The following CPS1 variants were observed in gnomAD, a reference collection of about 807,000 sequenced individuals.
CPS1 encodes carbamoyl-phosphate synthase [ammonia], mitochondrial.
CPS1 carries 109 observed loss-of-function variants against 174.6 expected under a neutral mutation model. The observed-to-expected ratio is 0.62, with a 90% confidence interval of 0.53 to 0.73. CPS1 has a LOEUF of 0.73. Among genes scored for constraint, CPS1 ranks in the 30% least tolerant of loss-of-function variants. CPS1 has a pLI of 0.00. For missense variants in CPS1, 1,689 were observed against 1,821.9 expected (o/e 0.93, Z 1.33); for synonymous variants, 637 against 632.0 (o/e 1.01, Z -0.12).
In CPS1 at chr2:210,595,509, G is replaced by A; in HGVS notation, c.1286G>A (p.Gly429Glu). ...TAGGTTTCCAAAGTCCTTATTCTAG[G>A]ATCAGGAGGTCTGTCCATTGGTCAG... ...RVEVSKVLIL[G>E]SGGLSIGQAG... Residue 429 changes from glycine (G) to glutamate (E), a missense_variant, in exon 13 of 38, where the codon GGA (glycine) becomes GAA (glutamate). Physicochemically the swap from Gly to Glu is moderately conservative, Grantham distance 98. Transcript: ENST00000233072. The A allele has an allele frequency of 6.2e-7, 1 of 1,610,750 alleles. No individual in the cohort carries two copies. The highest frequency in any genetic ancestry group is 8.5e-7 in the Non-Finnish European group (1 of 1,177,748).
intron 13 of CPS1, among the ~76,000 whole-genome samples, chr2:210,596,485 A>G (rs569382020): frequency 2.0e-5 from 3 of 152,066 alleles, no homozygotes; most frequent in African/African-American, 7.2e-5. Flanking sequence ...AGTATTCTAT[A>G]GTCAAAGATT....
chr2:210,640,844 A>G (rs929170461), intron 24 of CPS1, among the ~76,000 whole-genome samples: 17 of 152,194 alleles, frequency 1.1e-4, no homozygotes, highest in African/African-American at 3.6e-4. Context: ...AAGTAGGACA[A>G]AAATGTTATA....
chr2:210,636,262 A>G (rs1050629395), intron 21 of CPS1, among the ~76,000 whole-genome samples: 4 of 152,040 alleles, frequency 2.6e-5, no homozygotes, highest in African/African-American at 7.2e-5. Flanking sequence ...TTATTTTTGC[A>G]TGCATTTTGA....
At chr2:210,618,560 C>A (rs530810052) in intron 21 of CPS1, 2 of 151,970 alleles carry the variant, frequency 1.3e-5, no homozygotes, top group African/African-American at 4.8e-5. Flanking sequence ...CATTGATGCA[C>A]GCATAGCAAT....
chr2:210,620,672 G>T lies in CPS1; in HGVS notation c.2687+4131G>T, dbSNP rs371583524. ...AGGAGCCAGCCAGAGAGAGGGAGTC[G>T]GTGGGGGAGGTGCCACATACTTTCA... On this transcript the variant is annotated intron_variant, in intron 21 of 37. Coordinates refer to ENST00000233072, the MANE Select transcript of CPS1 (RefSeq NM_001875.5). 2.4e-4 allele frequency among the ~76,000 whole-genome samples: 36 copies of T among 152,030 alleles called. 1 individual carries two copies. In the East Asian group the frequency reaches 2.5e-3, roughly 11 times the overall value.
intron 34 of CPS1, among the ~76,000 whole-genome samples, chr2:210,669,871 A>G (rs1701238034): frequency 6.6e-6 from 1 of 152,134 alleles, no homozygotes; most frequent in South Asian, 2.1e-4. Flanking sequence ...TTCACATCTA[A>G]TCATAATAGT....
intron 34 of CPS1, among the ~76,000 whole-genome samples, chr2:210,671,164 C>T (rs1272318506): frequency 1.3e-5 from 2 of 152,166 alleles, no homozygotes; most frequent in African/African-American, 4.8e-5. Context: ...AGATCAAGAG[C>T]ACTCACTGTG....
chr2:210,588,597 A>T (rs2106104867), intron 7 of CPS1, among the ~76,000 whole-genome samples: 1 of 152,214 alleles, frequency 6.6e-6, no homozygotes, highest in Admixed American at 6.5e-5. Context: ...ACAACCAGTT[A>T]AAATTAAACC....
chr2:210,632,691 T>C (rs550213188), intron 21 of CPS1, among the ~76,000 whole-genome samples: 29 of 152,314 alleles, frequency 1.9e-4, no homozygotes, highest in African/African-American at 6.7e-4. Flanking sequence ...GTATCAACAA[T>C]GATTTCTCAG....
chr2:210,669,474 C>T (rs1701221496), intron 34 of CPS1, among the ~76,000 whole-genome samples: 1 of 151,988 alleles, frequency 6.6e-6, no homozygotes, highest in Non-Finnish European at 1.5e-5. Context: ...AGAACAGTAC[C>T]AGGTATTCTC....
chr2:210,586,660 A>G (rs1698120567), intron 6 of CPS1, among the ~76,000 whole-genome samples: 1 of 152,110 alleles, frequency 6.6e-6, no homozygotes. Context: ...TCTTATGGAC[A>G]GTATTTAATG....
intron 34 of CPS1, chr2:210,671,655 T>A (rs1036375551): frequency 3.9e-5 from 6 of 152,202 alleles, no homozygotes; most frequent in Admixed American, 3.3e-4. Flanking sequence ...GTTTTATGTG[T>A]CACAAGTGTT....
chr2:210,533,048 G>A lies in CPS1; in HGVS notation c.4-23671G>A, dbSNP rs142130504. On this transcript the variant is annotated intron_variant, in intron 1 of 38. Transcript: ENST00000430249. ...CTTGGGAAATGTGGGGAAGAGCAAC[G>A]GTGAGCGGGGAGGGAAGTCGCTTTA... Among the ~76,000 whole-genome samples the A allele has an allele frequency of 3.6e-3, 544 of 152,074 alleles. 4 individuals carry two copies. The highest frequency in any genetic ancestry group is 0.012 in the African/African-American group (489 of 41,388).
At chr2:210,529,158 G>A (rs750390884) in intron 1 of CPS1, among the ~76,000 whole-genome samples, 7 of 151,948 alleles carry the variant, frequency 4.6e-5, no homozygotes, top group East Asian at 1.9e-4. Flanking sequence ...AGCTAATTTT[G>A]TATGTATTTC....
chr2:210,571,257 T>A (rs1344914455), intron 1 of CPS1, among the ~76,000 whole-genome samples: 1 of 151,950 alleles, frequency 6.6e-6, no homozygotes, highest in East Asian at 1.9e-4. Context: ...TTTCAAACAC[T>A]GGGTCGAAGG....
At chr2:210,668,513 T>C (rs1701181277) in intron 34 of CPS1, among the ~76,000 whole-genome samples, 1 of 152,186 alleles carries the variant, frequency 6.6e-6, no homozygotes, top group South Asian at 2.1e-4. Context: ...ATGTTTCTAG[T>C]GAAGGGATAT....
upstream of CPS1, among the ~76,000 whole-genome samples, chr2:210,554,032 T>G (rs1696798003): frequency 6.7e-6 from 1 of 150,318 alleles, no homozygotes; most frequent in African/African-American, 2.4e-5. Flanking sequence ...TCCTCCTTCA[T>G]TCTGATGACT....
At chr2:210,640,185 G>T (rs1159529735) in intron 24 of CPS1, 126 bp downstream of exon 24, 1 of 679,022 alleles carries the variant, frequency 1.5e-6, no homozygotes, top group Non-Finnish European at 2.5e-6. Context: ...TGCAAATTAG[G>T]AAGCTGGGGT....
intron 25 of CPS1, among the ~76,000 whole-genome samples, chr2:210,643,863 A>C (rs1014881606): frequency 6.6e-6 from 1 of 152,054 alleles, no homozygotes; most frequent in Non-Finnish European, 1.5e-5. Flanking sequence ...ACAGGTGGGG[A>C]TCAAAATAAG....
Sources: allele counts gnomAD v4.1 joint callset (sites outside exome capture counted in the v4.1 genomes callset), GRCh38; gene constraint gnomAD v4.1.1; transcripts MANE v1.5; gene names NCBI Gene and HGNC (gene_info 2026-07-23, HGNC 2026-07-21).